Variants in NAALADL2 observed in about 807,000 individuals in gnomAD.
The protein encoded by NAALADL2 is N-acetylated alpha-linked acidic dipeptidase like 2, also known as inactive N-acetylated-alpha-linked acidic dipeptidase-like protein 2.
Under a neutral mutation model 87.2 loss-of-function variants are expected in NAALADL2, and 76 were observed. That is an observed-to-expected ratio of 0.87 (90% CI 0.72 to 1.05). The LOEUF (loss-of-function observed/expected upper bound fraction) is 1.05. Among genes scored for constraint, NAALADL2 ranks in the 50% least tolerant of loss-of-function variants. The pLI is 0.00. For missense variants in NAALADL2, 1,089 were observed against 945.8 expected (o/e 1.15, Z -1.99); for synonymous variants, 354 against 331.0 (o/e 1.07, Z -0.75).
chr3:175,602,903 T>C (rs1411496570), intron 10 of NAALADL2, among the ~76,000 whole-genome samples: 2 of 152,228 alleles, frequency 1.3e-5, no homozygotes, highest in African/African-American at 4.8e-5. Context: ...TCATCTATTG[T>C]TAACACCTTT....
chr3:175,374,585 A>T (rs1175405985), intron 5 of NAALADL2, among the ~76,000 whole-genome samples: 4 of 137,462 alleles, frequency 2.9e-5, no homozygotes, highest in Non-Finnish European at 6.2e-5. Flanking sequence ...AAAAAAAAAA[A>T]GAAAGTTATA....
chr3:174,772,273 T>G (rs1317564346), intron 3 of NAALADL2, among the ~76,000 whole-genome samples: 1 of 152,086 alleles, frequency 6.6e-6, no homozygotes, highest in Admixed American at 6.6e-5. Flanking sequence ...GTGTGTAGGG[T>G]TTTTCCAGCA....
At position 175,314,679 on chromosome 3, in the gene NAALADL2, T is replaced by C. The variant is rs1352601111; in HGVS notation, c.940-9496T>C. Among the ~76,000 whole-genome samples, 58 of 10,542 alleles carry C rather than the reference T, an allele frequency of 5.5e-3. 1 individual carries two copies. The highest frequency in any genetic ancestry group is 0.049 in the African/African-American group (56 of 1,140). 6.9% of individuals were successfully genotyped at this position (10,542 alleles called of 152,430 possible). On this transcript the variant is annotated intron_variant, in intron 4 of 13. Coordinates refer to ENST00000454872, the MANE Select transcript of NAALADL2 (RefSeq NM_207015.3). ...ATATAGTTCTAACTATATATATATA[T>C]ATATATATATATATATATATATATA...
rs375625230 is a variant in NAALADL2, at chr3:174,872,152, G to A, written c.43+12702G>A. ...GTAATATGGGTGAAAACCTCGTGCT[G>A]TTAAGATTAAGCGCATATTCTAACA... On this transcript the variant is annotated intron_variant, in intron 1 of 13. Transcript: ENST00000454872. Among the ~76,000 whole-genome samples the A allele has an allele frequency of 1.2e-3, 179 of 152,238 alleles. 3 individuals carry two copies. The South Asian group carries it at 0.021, about 18-fold the overall frequency.
At chr3:175,631,942 A>G (rs1408909826) in intron 11 of NAALADL2, among the ~76,000 whole-genome samples, 1 of 152,116 alleles carries the variant, frequency 6.6e-6, no homozygotes, top group Admixed American at 6.6e-5. Flanking sequence ...AGACACTTGC[A>G]ATACCAAAAT....
chr3:174,807,123 A>C (rs190121350), intron 3 of NAALADL2, among the ~76,000 whole-genome samples: 7 of 152,218 alleles, frequency 4.6e-5, no homozygotes, highest in Admixed American at 2.6e-4. Context: ...AAGGATTTGA[A>C]ATTTTATTAG....
In NAALADL2 at chr3:175,279,832, A is replaced by G. The variant is rs139337581; in HGVS notation, c.939+23302A>G. Among the ~76,000 whole-genome samples, 298 of 149,822 alleles carry G rather than the reference A, an allele frequency of 2.0e-3. 1 individual carries two copies. The highest frequency in any genetic ancestry group is 3.6e-3 in the South Asian group (17 of 4,756). ...TGTGTGTGTGTGTGTATTATTAATAAAGATGTAAACTGCAGGCTGCACTGA... is the reference window on the plus strand; with the variant it reads ...TGTGTGTGTGTGTGTATTATTAATAGAGATGTAAACTGCAGGCTGCACTGA... On this transcript the variant is annotated intron_variant, in intron 4 of 13. Transcript: ENST00000454872.
At chr3:175,655,087 A>T (rs1731272540) in intron 11 of NAALADL2, among the ~76,000 whole-genome samples, 1 of 152,126 alleles carries the variant, frequency 6.6e-6, no homozygotes, top group Non-Finnish European at 1.5e-5. Flanking sequence ...AATTACAGTT[A>T]ATTTGATGTA....
chr3:175,317,723 G>A (rs1305780984), intron 4 of NAALADL2, among the ~76,000 whole-genome samples: 1 of 152,046 alleles, frequency 6.6e-6, no homozygotes, highest in African/African-American at 2.4e-5. Context: ...ACAGAAATAG[G>A]TTTAACTTGA....
intron 11 of NAALADL2, among the ~76,000 whole-genome samples, chr3:175,646,687 AT>A (rs1376234985): frequency 2.6e-5 from 4 of 152,090 alleles, no homozygotes; most frequent in African/African-American, 7.2e-5. Context: ...TACAACATAG[AT>A]GATCTATATG....
At chr3:175,170,457 TATA>T (rs1734643551) in intron 2 of NAALADL2, among the ~76,000 whole-genome samples, 5 of 146,744 alleles carry the variant, frequency 3.4e-5, no homozygotes, top group Admixed American at 2.7e-4. Flanking sequence ...TATAAATAAA[TATA>T]ATATATATAA....
At chr3:174,753,786 G>A (rs1325431350) in intron 3 of NAALADL2, among the ~76,000 whole-genome samples, 3 of 152,146 alleles carry the variant, frequency 2.0e-5, no homozygotes, top group Non-Finnish European at 4.4e-5. Flanking sequence ...ATATGTTGAA[G>A]TCCTAACCCC....
intron 1 of NAALADL2, among the ~76,000 whole-genome samples, chr3:174,950,342 A>C (rs116455242): frequency 2.0e-3 from 311 of 152,194 alleles, no homozygotes; most frequent in African/African-American, 6.9e-3. Context: ...GAGAATCACA[A>C]ATTTTGGTTG....
intron 5 of NAALADL2, among the ~76,000 whole-genome samples, chr3:175,327,880 A>G (rs1450649317): frequency 6.6e-6 from 1 of 152,220 alleles, no homozygotes; most frequent in Non-Finnish European, 1.5e-5. Flanking sequence ...CAAAGAATAG[A>G]TATTTATAAC....
intron 11 of NAALADL2, among the ~76,000 whole-genome samples, chr3:175,660,598 A>C (rs1422823145): frequency 6.6e-6 from 1 of 152,110 alleles, no homozygotes; most frequent in Admixed American, 6.6e-5. Flanking sequence ...ATCAGATACT[A>C]GAACATATTC....
At chr3:174,698,098 A>G (rs535045416) in intron 2 of NAALADL2, among the ~76,000 whole-genome samples, 1 of 152,318 alleles carries the variant, frequency 6.6e-6, no homozygotes, top group South Asian at 2.1e-4. Flanking sequence ...TCAAAAAAAT[A>G]ATAATAAATA....
At chr3:175,192,626 G>A (rs1238714671) in intron 2 of NAALADL2, among the ~76,000 whole-genome samples, 1 of 151,770 alleles carries the variant, frequency 6.6e-6, no homozygotes, top group Non-Finnish European at 1.5e-5. Context: ...TTTCTCAGTG[G>A]GAAAAATCTA....
chr3:175,069,658 C>T (rs1316743700), intron 1 of NAALADL2, among the ~76,000 whole-genome samples: 1 of 151,708 alleles, frequency 6.6e-6, no homozygotes, highest in African/African-American at 2.4e-5. Context: ...CATCCCATTA[C>T]TGGGTATATA....
At chr3:175,316,919 A>G (rs1560346055) in intron 4 of NAALADL2, among the ~76,000 whole-genome samples, 1 of 152,164 alleles carries the variant, frequency 6.6e-6, no homozygotes, top group Non-Finnish European at 1.5e-5. Flanking sequence ...AATTAAGAGC[A>G]CTATGATGGC....
Sources: allele counts gnomAD v4.1 joint callset (sites outside exome capture counted in the v4.1 genomes callset), GRCh38; gene constraint gnomAD v4.1.1; transcripts MANE v1.5; gene names NCBI Gene and HGNC (gene_info 2026-07-23, HGNC 2026-07-21).